CDH13: variants seen among roughly 807,000 people sequenced by gnomAD.
CDH13 encodes the protein cadherin-13.
CDH13 carries 24 observed loss-of-function variants against 63.8 expected under a neutral mutation model. The observed-to-expected ratio is 0.38, with a 90% confidence interval of 0.27 to 0.53. The LOEUF is 0.53. Ranked by LOEUF, CDH13 falls within the 20% of genes least tolerant of loss-of-function variation. The pLI, the probability that CDH13 is intolerant of heterozygous loss-of-function variation, is 0.85. For missense variants in CDH13, 1,049 were observed against 903.1 expected (o/e 1.16, Z -2.07); for synonymous variants, 503 against 355.3 (o/e 1.42, Z -4.67).
At chr16:83,260,201 C>T (rs1461225436) in intron 5 of CDH13, among the ~76,000 whole-genome samples, 21 of 151,240 alleles carry the variant, frequency 1.4e-4, no homozygotes, top group Admixed American at 1.1e-3. Context: ...TTTGTAGTTT[C>T]TCTTCTACTG....
chr16:82,961,153 C>T (rs1241406738), intron 2 of CDH13, among the ~76,000 whole-genome samples: 1 of 152,194 alleles, frequency 6.6e-6, no homozygotes, highest in African/African-American at 2.4e-5. Context: ...ACTCAGGCTT[C>T]ATCCCAGCTC....
chr16:82,827,532 C>T (rs368354128), intron 1 of CDH13, among the ~76,000 whole-genome samples: 2 of 152,008 alleles, frequency 1.3e-5, no homozygotes. Flanking sequence ...AAGAGTAGGT[C>T]CCGCCCTTTT....
intron 1 of CDH13, among the ~76,000 whole-genome samples, chr16:82,779,000 A>C (rs566139551): frequency 2.0e-5 from 3 of 152,336 alleles, no homozygotes; most frequent in African/African-American, 7.2e-5. Flanking sequence ...AGATGGAAGA[A>C]TTGAGATCCC....
Position 83,477,821 on chromosome 16 carries a change from T to A in CDH13, c.782-8656T>A, listed in dbSNP as rs1368682504. Among the ~76,000 whole-genome samples the A allele has an allele frequency of 2.0e-5, 3 of 152,162 alleles. No individual in the cohort carries two copies. In the East Asian group the frequency reaches 5.8e-4, roughly 29 times the overall value. ...CTTTTGTTTGGCCTTCTAGTCCCAC[T>A]GAGTGATCTTTTATTTTTTAAATTT... On this transcript the variant is annotated intron_variant, in intron 6 of 13. Coordinates refer to ENST00000567109, the MANE Select transcript of CDH13 (RefSeq NM_001257.5).
intron 1 of CDH13, among the ~76,000 whole-genome samples, chr16:82,696,520 T>G (rs563429023): frequency 6.6e-6 from 1 of 152,316 alleles, no homozygotes; most frequent in African/African-American, 2.4e-5. Flanking sequence ...TTGGTTTTGA[T>G]GGCAGCAAAT....
intron 9 of CDH13, among the ~76,000 whole-genome samples, chr16:83,675,028 G>T (rs565259053): frequency 3.5e-4 from 53 of 152,224 alleles, no homozygotes; most frequent in African/African-American, 1.3e-3. Flanking sequence ...AACTTTTCCA[G>T]GCTTTAAATT....
intron 3 of CDH13, among the ~76,000 whole-genome samples, chr16:83,068,953 G>A (rs1021115424): frequency 2.6e-5 from 4 of 152,112 alleles, no homozygotes; most frequent in Non-Finnish European, 5.9e-5. Flanking sequence ...CACTATGAAG[G>A]TTTAGAAGGT....
intron 13 of CDH13, among the ~76,000 whole-genome samples, chr16:83,786,552 TTGTC>T (rs1487001274): frequency 6.6e-6 from 1 of 150,878 alleles, no homozygotes; most frequent in Non-Finnish European, 1.5e-5. Context: ...CTTCTTTCCT[TTGTC>T]TTTCTTTTCT....
At chr16:82,678,874 A>G (rs768889108) in intron 1 of CDH13, among the ~76,000 whole-genome samples, 14 of 152,220 alleles carry the variant, frequency 9.2e-5, no homozygotes, top group Non-Finnish European at 1.6e-4. Flanking sequence ...CATCCCTGAC[A>G]TAGCCTGCCC....
intron 1 of CDH13, among the ~76,000 whole-genome samples, chr16:82,670,241 C>T (rs559878839): frequency 1.2e-4 from 19 of 152,282 alleles, no homozygotes; most frequent in South Asian, 1.2e-3. Context: ...AATCCCTAGT[C>T]GGAACATTTG....
At chr16:83,531,495 T>C (rs750022605) in intron 7 of CDH13, among the ~76,000 whole-genome samples, 25 of 152,198 alleles carry the variant, frequency 1.6e-4, no homozygotes, top group African/African-American at 5.8e-4. Context: ...AAGCGGAGTT[T>C]CCCTGCACAA....
At chr16:82,695,537 C>T (rs1324522291) in intron 1 of CDH13, among the ~76,000 whole-genome samples, 3 of 152,150 alleles carry the variant, frequency 2.0e-5, no homozygotes, top group African/African-American at 4.8e-5. Flanking sequence ...GTGTGTGCTG[C>T]TCCTAACGTA....
intron 8 of CDH13, among the ~76,000 whole-genome samples, chr16:83,635,071 C>G (rs912013246): frequency 3.9e-5 from 6 of 152,160 alleles, no homozygotes; most frequent in East Asian, 1.9e-4. Context: ...CACATTCTCA[C>G]CAGCATTTGG....
chr16:83,355,194 C>A (rs1251129337), intron 6 of CDH13, among the ~76,000 whole-genome samples: 1 of 152,172 alleles, frequency 6.6e-6, no homozygotes, highest in Non-Finnish European at 1.5e-5. Flanking sequence ...AAAACCATGG[C>A]AGCTACGGAG....
chr16:83,418,796 A>G (rs999570296), intron 6 of CDH13, among the ~76,000 whole-genome samples: 1 of 152,122 alleles, frequency 6.6e-6, no homozygotes, highest in African/African-American at 2.4e-5. Context: ...ACAGGAGAAG[A>G]CCTAGAGTTC....
intron 10 of CDH13, among the ~76,000 whole-genome samples, chr16:83,679,874 A>G (rs1364576407): frequency 1.3e-5 from 2 of 152,192 alleles, no homozygotes; most frequent in Non-Finnish European, 2.9e-5. Context: ...TGTCTCTGCC[A>G]TTGCTGGGAC....
chr16:83,521,055 G>A (rs2074821013), intron 7 of CDH13, among the ~76,000 whole-genome samples: 2 of 152,030 alleles, frequency 1.3e-5, no homozygotes, highest in African/African-American at 2.4e-5. Context: ...TACTTCATGT[G>A]CTTTTTAAAG....
At chr16:83,724,002 T>C (rs117425955) in intron 10 of CDH13, among the ~76,000 whole-genome samples, 1,539 of 152,172 alleles carry the variant, frequency 0.01, 70 homozygotes, top group Admixed American at 0.076. Context: ...AATGCATGGA[T>C]GGATGATGAA....
intron 5 of CDH13, among the ~76,000 whole-genome samples, chr16:83,265,783 C>T (rs1907545911): frequency 1.8e-5 from 2 of 109,184 alleles, no homozygotes; most frequent in South Asian, 6.5e-4. Flanking sequence ...GGGTTGTTCA[C>T]ATTCTTTGTG....
Sources: allele counts gnomAD v4.1 joint callset (sites outside exome capture counted in the v4.1 genomes callset), GRCh38; gene constraint gnomAD v4.1.1; transcripts MANE v1.5; gene names NCBI Gene and HGNC (gene_info 2026-07-23, HGNC 2026-07-21).